The following HNF1A variants were observed in gnomAD, a reference collection of about 807,000 sequenced individuals.
HNF1A encodes hepatocyte nuclear factor 1-alpha.
In HNF1A, 21 loss-of-function variants were observed where a neutral mutation model predicts 62.2. That is an observed-to-expected ratio of 0.34 (90% CI 0.24 to 0.49). The LOEUF is 0.49. Ranked by LOEUF, HNF1A falls within the 20% of genes least tolerant of loss-of-function variation. HNF1A has a pLI of 0.99. For missense variants in HNF1A, 687 were observed against 832.3 expected, an observed-to-expected ratio of 0.83 and a Z score of 2.15; for synonymous variants, 374 against 366.8, an observed-to-expected ratio of 1.02 and a Z score of -0.22.
At position 121,002,492 on chromosome 12, in the gene HNF1A, C is replaced by G. The variant is rs1565890145; in HGVS notation, c.*1300C>G. The G allele has an allele frequency of 3.9e-6, 2 of 515,380 alleles. No individual in the cohort carries two copies. The highest frequency in any genetic ancestry group is 1.9e-5 in the African/African-American group (1 of 52,796). The allele number at this position is 515,380 out of a possible 1,614,324, so 31.9% of individuals were successfully genotyped here. A position where few individuals can be genotyped will look rare whatever the true frequency, so the allele number is the denominator to read the frequency against. ...ACGTTTATTTAACTTTTAGTAAAGT[C>G]AAGGAGAAATGCGGTGGAAACTTCT... On this transcript the variant is annotated 3_prime_UTR_variant, in exon 10 of 10. Transcript: ENST00000257555.
At chr12:121,000,692 C>T (rs1012571023) in intron 9 of HNF1A, 5 of 330,240 alleles carry the variant, frequency 1.5e-5, no homozygotes, top group Non-Finnish European at 3.0e-5. Context: ...GGGTAATCTC[C>T]TTCACTCAAA....
Position 120,994,385 on chromosome 12 carries a change from T to C in HNF1A, c.935T>C (p.Leu312Pro), listed in dbSNP as rs1425259252. 2.5e-6 allele frequency: 4 copies of C among 1,591,372 alleles called. No individual in the cohort carries two copies. The South Asian group carries it at 4.6e-5, about 18-fold the overall frequency. ...HSSPGLPPPA[L>P]SPSKVHGVRY... ...TCCCCTGGCCTGCCTCCACCTGCCC[T>C]CTCCCCCAGTAAGGTCCACGGTAAG... The change falls in exon 4 of 10, where the codon CTC becomes CCC. Residue 312 changes from leucine (L) to proline (P), a missense_variant. Leu to Pro is a moderately conservative substitution (Grantham distance 98). This residue lies in a region of HNF1A where 408 missense variants were observed against 455.3 expected (regional missense o/e 0.90). Coordinates refer to ENST00000257555, the MANE Select transcript of HNF1A (RefSeq NM_000545.8).
chr12:120,991,874 C>A (rs984125041), intron 2 of HNF1A, among the ~76,000 whole-genome samples: 1 of 152,106 alleles, frequency 6.6e-6, no homozygotes, highest in Admixed American at 6.6e-5. Flanking sequence ...CATCACTAGA[C>A]GAAATTTTAC....
At chr12:120,985,244 CTAATT>C (rs1207976971) in intron 1 of HNF1A, among the ~76,000 whole-genome samples, 1 of 150,654 alleles carries the variant, frequency 6.6e-6, no homozygotes. Context: ...CCATGCCTGG[CTAATT>C]TATTTTTTTT....
chr12:120,983,916 C>CTGGGTGTGTGTGTG (rs1876376049), intron 1 of HNF1A, among the ~76,000 whole-genome samples: 1 of 137,278 alleles, frequency 7.3e-6, no homozygotes, highest in East Asian at 2.1e-4. Flanking sequence ...CTTGAAGACT[C>CTGGGTGTGTGTGTG]TGTGTGTGTG....
At chr12:120,979,195 G>T in intron 1 of HNF1A, 101 bp downstream of exon 1, 1 of 1,074,766 alleles carries the variant, frequency 9.3e-7, no homozygotes, top group Non-Finnish European at 1.4e-6. Flanking sequence ...ATGACCTTCA[G>T]CCTTTAGCCT....
intron 1 of HNF1A, among the ~76,000 whole-genome samples, chr12:120,987,079 G>A (rs1241802252): frequency 6.6e-6 from 1 of 152,154 alleles, no homozygotes; most frequent in Non-Finnish European, 1.5e-5. Context: ...AGTCTCTCTG[G>A]TGGGAGAATC....
At chr12:120,982,271 T>A (rs1218631997) in intron 1 of HNF1A, among the ~76,000 whole-genome samples, 1 of 152,152 alleles carries the variant, frequency 6.6e-6, no homozygotes, top group Non-Finnish European at 1.5e-5. Flanking sequence ...GGTTTCACTA[T>A]GTTGGCCAGG....
intron 6 of HNF1A, 79 bp from the exon 7 acceptor site, chr12:120,997,395 G>GGT (rs1877164255): frequency 2.7e-6 from 4 of 1,455,624 alleles, no homozygotes; most frequent in Non-Finnish European, 3.7e-6. Context: ...GGGAAGGAGA[G>GGT]GTGGTGCCCT....
In HNF1A at chr12:121,001,582, A is replaced by G; in HGVS notation, c.*390A>G. ...CACCACTCTGGCAGCCACACTTCTC[A>G]GGACACAGGCCTGTGTAGCTGTGAC... On this transcript the variant is annotated 3_prime_UTR_variant, in exon 10 of 10. Coordinates refer to ENST00000257555, the MANE Select transcript of HNF1A (RefSeq NM_000545.8). The G allele has an allele frequency of 2.3e-6, 1 of 440,636 alleles. No individual in the cohort carries two copies. The highest frequency in any genetic ancestry group is 2.1e-5 in the South Asian group (1 of 48,152). 27.3% of individuals were successfully genotyped at this position (440,636 alleles called of 1,614,324 possible). A position where few individuals can be genotyped will look rare whatever the true frequency, so the allele number is the denominator to read the frequency against.
chr12:120,999,566 C>T lies in HNF1A; in HGVS notation c.1707C>T (p.Ser569=), dbSNP rs755587941. 1.9e-6 allele frequency: 3 copies of T among 1,612,828 alleles called. No homozygotes were observed. ...ASQATTLHVP[S]QDPASIQHLQ... ...AGGCCACCACCCTCCACGTCCCCAG[C>T]CAGGACCCTGCCAGCATCCAGCACC... is the stretch of plus-strand genomic sequence containing the variant. Residue 569 remains serine, a synonymous_variant, in exon 9 of 10, where the codon AGC becomes AGT. Transcript: ENST00000257555.
Position 121,002,073 on chromosome 12 carries a change from C to T in HNF1A, c.*881C>T. On this transcript the variant is annotated 3_prime_UTR_variant, in exon 10 of 10. Coordinates refer to ENST00000257555, the MANE Select transcript of HNF1A (RefSeq NM_000545.8). Reference sequence around the variant, plus strand: ...CTCTGTCTCGAGCGCCCTGCAGACCCTGCCCTTGTTTGGGGCAGGAGTAGC... The same window carrying T: ...CTCTGTCTCGAGCGCCCTGCAGACCTTGCCCTTGTTTGGGGCAGGAGTAGC... 1 of 536,492 alleles carries T rather than the reference C, an allele frequency of 1.9e-6. No individual in the cohort carries two copies. Among genetic ancestry groups the T allele is most frequent in the Non-Finnish European group, 3.6e-6 (1 of 276,570 alleles). 33.2% of individuals were successfully genotyped at this position (536,492 alleles called of 1,614,324 possible).
intron 9 of HNF1A, chr12:121,000,644 G>A (rs562340054): frequency 1.3e-5 from 3 of 239,980 alleles, no homozygotes; most frequent in African/African-American, 2.3e-5. Context: ...TTGCTCTTAC[G>A]GCCTTCCACT....
At chr12:120,984,608 C>T (rs1180500148) in intron 1 of HNF1A, among the ~76,000 whole-genome samples, 1 of 151,982 alleles carries the variant, frequency 6.6e-6, no homozygotes, top group South Asian at 2.1e-4. Context: ...TGCCACAGAG[C>T]ACCAGGCTGG....
At chr12:120,981,889 G>C (rs2135823549) in intron 1 of HNF1A, among the ~76,000 whole-genome samples, 1 of 152,324 alleles carries the variant, frequency 6.6e-6, no homozygotes, top group Middle Eastern at 3.4e-3. Context: ...ATGCACAGCA[G>C]GAATGAGTGA....
At chr12:120,981,772 T>C (rs1239825432) in intron 1 of HNF1A, among the ~76,000 whole-genome samples, 2 of 152,244 alleles carry the variant, frequency 1.3e-5, no homozygotes, top group Non-Finnish European at 2.9e-5. Context: ...CTTGTGATCA[T>C]CTGATTTGTT....
At chr12:120,994,467 CA>C in intron 4 of HNF1A, 62 bp downstream of exon 4, 1 of 1,532,790 alleles carries the variant, frequency 6.5e-7, no homozygotes. Context: ...AGGACTGTCC[CA>C]GTGACAGCAG....
At chr12:120,994,701 AACTCCACTCCATCC>A (rs1180877332) in intron 4 of HNF1A, among the ~76,000 whole-genome samples, 6 of 149,932 alleles carry the variant, frequency 4.0e-5, no homozygotes, top group African/African-American at 1.5e-4. Context: ...CACTCCACTC[AACTCCACTCCATCC>A]ACTCCACTCC....
intron 6 of HNF1A, chr12:120,997,060 G>C: frequency 1.4e-6 from 2 of 1,421,536 alleles, no homozygotes. Flanking sequence ...TTTGTTTTAT[G>C]AAGAAAAATT....
Sources: gnomAD v4.1 joint callset for allele counts (sites outside exome capture counted in the v4.1 genomes callset) on GRCh38, gnomAD v4.1.1 for gene constraint, gnomAD v4.1.1 regional missense constraint, MANE v1.5 for transcripts, NCBI Gene and HGNC (gene_info 2026-07-23, HGNC 2026-07-21) for gene names.